NEMP2: variants seen among roughly 807,000 people sequenced by gnomAD.
NEMP2 encodes the protein UPF0571 transmembrane protein.
Under a neutral mutation model 54.2 loss-of-function variants are expected in NEMP2, and 53 were observed. The ratio of observed to expected loss-of-function variants is 0.98; its 90% CI spans 0.78 to 1.23. The LOEUF is 1.23. Among genes scored for constraint, NEMP2 ranks in the 50% most tolerant of loss-of-function variants. NEMP2 has a pLI of 0.00. For missense variants in NEMP2, 455 were observed against 511.3 expected (o/e 0.89, Z 1.06); for synonymous variants, 197 against 190.3 (o/e 1.04, Z -0.29).
the NEMP2 span, among the ~76,000 whole-genome samples, chr2:190,452,581 G>C: frequency 6.6e-6 from 1 of 152,136 alleles, no homozygotes; most frequent in African/African-American, 2.4e-5. Context: ...CTACCTTATA[G>C]CTTCATAGGC....
chr2:190,585,317 C>G, the NEMP2 span, among the ~76,000 whole-genome samples: 1 of 152,302 alleles, frequency 6.6e-6, no homozygotes, highest in East Asian at 1.9e-4. This position sits in a 1 kb window ranked among gnomAD's most constrained non-coding sequence, Gnocchi z 5.3. Context: ...TATCTTTAAA[C>G]TACTTACATA....
the NEMP2 span, among the ~76,000 whole-genome samples, chr2:190,460,400 T>C: frequency 6.6e-6 from 1 of 152,212 alleles, no homozygotes; most frequent in African/African-American, 2.4e-5. Flanking sequence ...TAATCATACA[T>C]ACACTCGCGT....
rs1016057023 is a variant in NEMP2 at position 190,519,291 on chromosome 2, T to A, written c.214-108A>T. ...GAATGGAGTGCAGTGGCAGGATCTC[T>A]GCTCACTGCAACCTGTGCCTCCAGG... On this transcript the variant is annotated intron_variant, in intron 2 of 8. Transcript: ENST00000409150. The surrounding 1 kb of genome is among the most constrained non-coding windows in gnomAD (Gnocchi z 5.4). 1 of 750,458 alleles carries A rather than the reference T, an allele frequency of 1.3e-6. No individual in the cohort carries two copies. Among genetic ancestry groups the A allele is most frequent in the African/African-American group, 1.8e-5 (1 of 56,846 alleles). 46.5% of individuals were successfully genotyped at this position (750,458 alleles called of 1,614,324 possible).
the NEMP2 span, chr2:190,433,264 T>A: frequency 2.4e-4 from 36 of 152,248 alleles, no homozygotes; most frequent in African/African-American, 8.7e-4. The surrounding 1 kb of genome is among the most constrained non-coding windows in gnomAD (Gnocchi z 4.5). Context: ...CTTTGAATTT[T>A]GAGCTCAGGA....
chr2:190,445,824 T>C, the NEMP2 span, among the ~76,000 whole-genome samples: 3 of 152,174 alleles, frequency 2.0e-5, no homozygotes, highest in Non-Finnish European at 4.4e-5. Context: ...GAAAGAATAA[T>C]GCTTCCTGTA....
the NEMP2 span, chr2:190,610,122 G>A: frequency 1.3e-5 from 2 of 152,058 alleles, no homozygotes; most frequent in Non-Finnish European, 2.9e-5. This position sits in a 1 kb window ranked among gnomAD's most constrained non-coding sequence, Gnocchi z 5.4. Flanking sequence ...AATAAAAACT[G>A]AAAAAATCAG....
the NEMP2 span, among the ~76,000 whole-genome samples, chr2:190,468,365 T>C: frequency 6.6e-6 from 1 of 152,154 alleles, no homozygotes; most frequent in African/African-American, 2.4e-5. Flanking sequence ...CTTTTCCATA[T>C]GTGAGATTAG....
chr2:190,645,783 C>T, the NEMP2 span, among the ~76,000 whole-genome samples: 12 of 152,152 alleles, frequency 7.9e-5, no homozygotes, highest in South Asian at 2.1e-4. Flanking sequence ...TTGCATTCGA[C>T]GAAGTATTAC....
At chr2:190,631,483 TTAC>T in the NEMP2 span, among the ~76,000 whole-genome samples, 4 of 152,232 alleles carry the variant, frequency 2.6e-5, no homozygotes, top group East Asian at 3.8e-4. Context: ...TATTAATATT[TTAC>T]TACTTTTATT....
chr2:190,468,981 C>T, the NEMP2 span, among the ~76,000 whole-genome samples: 1 of 152,108 alleles, frequency 6.6e-6, no homozygotes, highest in East Asian at 1.9e-4. Context: ...CAAACCAGCC[C>T]ATCCAGTTCA....
Position 190,516,278 on chromosome 2 carries a change from T to C in NEMP2, c.719A>G (p.Tyr240Cys). The change falls in exon 6 of 9, where the codon TAT becomes TGT. Residue 240 changes from tyrosine to cysteine, a missense_variant. By Grantham distance (194) the Tyr-to-Cys change is radical. Transcript: ENST00000409150. ...TTTTTCTATTTACCTACCTAATACATATATCCTGTTTTCATACCACAGCCA... is the reference window on the plus strand; with the variant it reads ...TTTTTCTATTTACCTACCTAATACACATATCCTGTTTTCATACCACAGCCA... The part of the protein sequence containing the change: ...LKWLWYENRI[Y>C]VLGYVLIVGF... 1.3e-6 allele frequency: 2 copies of C among 1,549,022 alleles called. No homozygotes were observed. The highest frequency in any genetic ancestry group is 1.2e-5 in the South Asian group (1 of 83,912).
At chr2:190,534,884 C>A (rs1031905477), upstream of NEMP2, 25 of 368,254 alleles carry the variant, frequency 6.8e-5, no homozygotes, top group Non-Finnish European at 9.6e-5. Context: ...CTTTCGGTGG[C>A]GCGACCCCGC....
At chr2:190,450,625 A>G in the NEMP2 span, among the ~76,000 whole-genome samples, 1 of 150,340 alleles carries the variant, frequency 6.7e-6, no homozygotes. Context: ...CCCAAGTAGC[A>G]CAGACTACAG....
the NEMP2 span, among the ~76,000 whole-genome samples, chr2:190,545,144 G>A: frequency 0.011 from 1,675 of 150,304 alleles, 36 homozygotes; most frequent in African/African-American, 0.037. Flanking sequence ...GAAAAAAAAA[G>A]ATTTATTTTT....
the NEMP2 span, among the ~76,000 whole-genome samples, chr2:190,591,427 A>G: frequency 6.6e-6 from 1 of 152,160 alleles, no homozygotes; most frequent in Non-Finnish European, 1.5e-5. This position sits in a 1 kb window ranked among gnomAD's most constrained non-coding sequence, Gnocchi z 5.4. Context: ...ATGAGATTAC[A>G]GTTCAGAAGG....
the NEMP2 span, among the ~76,000 whole-genome samples, chr2:190,619,456 C>T: frequency 2.0e-5 from 3 of 151,806 alleles, no homozygotes; most frequent in Middle Eastern, 3.4e-3. The surrounding 1 kb of genome is among the most constrained non-coding windows in gnomAD (Gnocchi z 5.5). Context: ...GTTATGATTG[C>T]ATCAGTGTGC....
chr2:190,541,168 T>TTA, the NEMP2 span, among the ~76,000 whole-genome samples: 23,076 of 140,422 alleles, frequency 0.16, 1,937 homozygotes, highest in Middle Eastern at 0.24. The surrounding 1 kb of genome is among the most constrained non-coding windows in gnomAD (Gnocchi z 5.2). Context: ...CAATTTCATT[T>TTA]TATATATATG....
the NEMP2 span, among the ~76,000 whole-genome samples, chr2:190,421,761 A>G: frequency 1.3e-5 from 2 of 152,050 alleles, no homozygotes; most frequent in Admixed American, 6.5e-5. Flanking sequence ...GGATCTCACT[A>G]TGTTGCCCAG....
the NEMP2 span, among the ~76,000 whole-genome samples, chr2:190,423,489 A>G: frequency 2.0e-5 from 3 of 152,226 alleles, no homozygotes; most frequent in African/African-American, 7.2e-5. The surrounding 1 kb of genome is among the most constrained non-coding windows in gnomAD (Gnocchi z 4.3). Flanking sequence ...GCTGCATAAT[A>G]TCCCATAGTA....
Sources: allele counts gnomAD v4.1 joint callset (sites outside exome capture counted in the v4.1 genomes callset), GRCh38; gene constraint gnomAD v4.1.1; non-coding constraint Gnocchi (gnomAD v3.1); transcripts MANE v1.5; gene names NCBI Gene and HGNC (gene_info 2026-07-23, HGNC 2026-07-21).